Variants in CACNB2 observed in about 807,000 individuals in gnomAD.
CACNB2 encodes voltage-dependent L-type calcium channel subunit beta-2.
In CACNB2, 42 loss-of-function variants were observed where a neutral mutation model predicts 73.3. The observed-to-expected ratio is 0.57, with a 90% CI of 0.45 to 0.74. The LOEUF is 0.74. Among genes scored for constraint, CACNB2 ranks in the 30% least tolerant of loss-of-function variants. The pLI, the probability that CACNB2 is intolerant of heterozygous loss-of-function variation, is 0.00. For missense variants in CACNB2, 940 were observed against 853.0 expected, an observed-to-expected ratio of 1.10 and a Z score of -1.27; for synonymous variants, 348 against 310.3, an observed-to-expected ratio of 1.12 and a Z score of -1.28.
intron 2 of CACNB2, among the ~76,000 whole-genome samples, chr10:18,379,196 C>T (rs914536571): frequency 3.9e-5 from 6 of 152,076 alleles, no homozygotes; most frequent in Admixed American, 6.6e-5. Flanking sequence ...TTAACCACTT[C>T]TATTTATTTT....
At chr10:18,378,815 G>T (rs545401716) in intron 2 of CACNB2, among the ~76,000 whole-genome samples, 4 of 152,250 alleles carry the variant, frequency 2.6e-5, no homozygotes, top group Admixed American at 1.3e-4. Flanking sequence ...AGGTCAGGGG[G>T]TTCTGAAAGG....
chr10:18,184,752 G>T (rs1472206486), intron 2 of CACNB2, among the ~76,000 whole-genome samples: 3 of 148,774 alleles, frequency 2.0e-5, no homozygotes, highest in Non-Finnish European at 4.4e-5. Context: ...CTAGGATACA[G>T]GTGCAGGACA....
intron 3 of CACNB2, among the ~76,000 whole-genome samples, chr10:18,493,188 A>T (rs1292587819): frequency 6.6e-6 from 1 of 152,138 alleles, no homozygotes; most frequent in Non-Finnish European, 1.5e-5. Context: ...TCTTTGTTTG[A>T]GATGGAGTCT....
intron 2 of CACNB2, among the ~76,000 whole-genome samples, chr10:18,237,333 T>G (rs987628293): frequency 3.9e-5 from 6 of 152,206 alleles, no homozygotes; most frequent in Non-Finnish European, 7.3e-5. Context: ...AAATCCAGTA[T>G]GACTGATGAT....
At chr10:18,380,097 T>A (rs935402270) in intron 2 of CACNB2, among the ~76,000 whole-genome samples, 2 of 152,234 alleles carry the variant, frequency 1.3e-5, no homozygotes, top group African/African-American at 4.8e-5. Context: ...TTGCATAATG[T>A]CTTCAAGATT....
In CACNB2 at chr10:18,536,261, TTTTTTTTTTTTTGG is replaced by T. The variant is rs1403929856; in HGVS notation, c.1302+66_1302+79del. The T allele has an allele frequency of 5.2e-3, 3,280 of 630,748 alleles. 87 individuals are homozygous for T. The highest frequency in any genetic ancestry group is 0.018 in the East Asian group (393 of 21,730). 39.1% of individuals were successfully genotyped at this position (630,748 alleles called of 1,614,324 possible). On this transcript the variant is annotated intron_variant, in intron 12 of 13. Coordinates refer to ENST00000324631, the MANE Select transcript of CACNB2 (RefSeq NM_201596.3). ...ATCAGACCTTTTTTTTTTTTTTTTT[TTTTTTTTTTTTTGG>T]GGGACAAGGTCTTGCTCTGTTGCCC...
intron 3 of CACNB2, among the ~76,000 whole-genome samples, chr10:18,430,981 AT>A (rs2045862565): frequency 1.3e-5 from 2 of 151,996 alleles, no homozygotes; most frequent in Admixed American, 1.3e-4. Flanking sequence ...GATTTTATAT[AT>A]TTTTTTAAAT....
At chr10:18,220,226 TATATATAGAGAGAGAGAGAGAG>T (rs1460038960) in intron 2 of CACNB2, among the ~76,000 whole-genome samples, 42 of 45,660 alleles carry the variant, frequency 9.2e-4, no homozygotes, top group Non-Finnish European at 1.2e-3. Context: ...TATATATATA[TATATATAGAGAGAGAGAGAGAG>T]AGAGAGAGAG....
intron 2 of CACNB2, among the ~76,000 whole-genome samples, chr10:18,355,853 G>A (rs2041887468): frequency 6.6e-6 from 1 of 151,818 alleles, no homozygotes. Flanking sequence ...GACCAGACTG[G>A]TCTTGAACTC....
intron 3 of CACNB2, among the ~76,000 whole-genome samples, chr10:18,492,254 C>G (rs1169516504): frequency 1.3e-5 from 2 of 152,194 alleles, no homozygotes. Flanking sequence ...CTGGGGCTTA[C>G]AATTCGACAT....
At chr10:18,299,108 A>T (rs201843580) in intron 2 of CACNB2, among the ~76,000 whole-genome samples, 1 of 151,208 alleles carries the variant, frequency 6.6e-6, no homozygotes, top group Admixed American at 6.6e-5. Flanking sequence ...AATAAAAAGA[A>T]AAAAATAAAA....
intron 2 of CACNB2, among the ~76,000 whole-genome samples, chr10:18,308,448 C>G (rs1177201648): frequency 1.3e-5 from 2 of 152,138 alleles, no homozygotes; most frequent in Non-Finnish European, 2.9e-5. Flanking sequence ...TTTTTCAATC[C>G]TCACTCTCCT....
chr10:18,215,516 G>T (rs1397865794), intron 2 of CACNB2, among the ~76,000 whole-genome samples: 1 of 152,124 alleles, frequency 6.6e-6, no homozygotes, highest in Non-Finnish European at 1.5e-5. Flanking sequence ...CCCAGCCTTT[G>T]TTTCTAACAC....
chr10:18,176,418 A>G (rs1409027255), intron 2 of CACNB2, among the ~76,000 whole-genome samples: 2 of 152,166 alleles, frequency 1.3e-5, no homozygotes, highest in Non-Finnish European at 2.9e-5. Flanking sequence ...CTAGGAGTTT[A>G]GTGTAGGAAC....
At position 18,360,034 on chromosome 10, in the gene CACNB2, A is replaced by C. The variant is rs1181134202; in HGVS notation, c.214-41890A>C. ...GGAGGGCGGGTAAGAACAGTACAGG[A>C]GCATAGGGTGATCCAGCGTCACACA... On this transcript the variant is annotated intron_variant, in intron 2 of 13. Coordinates refer to ENST00000324631, the MANE Select transcript of CACNB2 (RefSeq NM_201596.3). 4.6e-5 allele frequency among the ~76,000 whole-genome samples: 7 copies of C among 152,156 alleles called. No individual in the cohort carries two copies. The East Asian group carries it at 1.2e-3, about 25-fold the overall frequency.
chr10:18,512,718 A>G (rs4748480), intron 6 of CACNB2, among the ~76,000 whole-genome samples: 102,213 of 152,024 alleles, frequency 0.67, 35,010 homozygotes, highest in East Asian at 0.97. Context: ...ATAAAACTCC[A>G]TGCTTTGGGA....
At chr10:18,491,064 C>T (rs375967393) in intron 3 of CACNB2, among the ~76,000 whole-genome samples, 2 of 152,200 alleles carry the variant, frequency 1.3e-5, no homozygotes. Flanking sequence ...TCCCGTGAAA[C>T]CTCTGGAACA....
chr10:18,271,036 A>G (rs533282108), intron 2 of CACNB2, among the ~76,000 whole-genome samples: 107 of 152,260 alleles, frequency 7.0e-4, no homozygotes, highest in African/African-American at 2.4e-3. Flanking sequence ...TCCCCTAGAT[A>G]CTTCATTGAT....
rs769682775 is a variant in CACNB2, at chr10:18,539,250, G to A, written c.1509G>A (p.Arg503=). 2.5e-6 allele frequency: 4 copies of A among 1,613,840 alleles called. No homozygotes were observed. Among genetic ancestry groups the A allele is most frequent in the East Asian group, 4.5e-5 (2 of 44,858 alleles). The stretch of plus-strand genomic sequence containing the variant: ...GCCAGGGTTCTCAAGGTGATCAGAG[G>A]ACTGATCGCTCCGCTCCTATCCGTT... ...SNSQGSQGDQ[R]TDRSAPIRSA... The change falls in exon 14 of 14, where the codon AGG becomes AGA. Residue 503 remains arginine (R), a synonymous_variant. Coordinates refer to ENST00000324631, the MANE Select transcript of CACNB2 (RefSeq NM_201596.3).
Sources: gnomAD v4.1 joint callset for allele counts (sites outside exome capture counted in the v4.1 genomes callset) on GRCh38, gnomAD v4.1.1 for gene constraint, MANE v1.5 for transcripts, NCBI Gene and HGNC (gene_info 2026-07-23, HGNC 2026-07-21) for gene names.